Variants in EXOC6B observed in about 807,000 individuals in gnomAD.
EXOC6B encodes the protein SEC15 homolog B.
A neutral mutation model predicts 113.5 loss-of-function variants in EXOC6B; 54 were observed. The observed-to-expected ratio is 0.48, with a 90% CI of 0.38 to 0.60. The LOEUF (loss-of-function observed/expected upper bound fraction) is 0.60. Ranked by LOEUF, EXOC6B falls within the 20% of genes least tolerant of loss-of-function variation. The pLI is 0.00. For missense variants in EXOC6B, 797 were observed against 977.5 expected, an observed-to-expected ratio of 0.82 and a Z score of 2.46; for synonymous variants, 357 against 339.0, an observed-to-expected ratio of 1.05 and a Z score of -0.58.
intron 18 of EXOC6B, among the ~76,000 whole-genome samples, chr2:72,410,483 A>G (rs1234773697): frequency 6.6e-6 from 1 of 152,220 alleles, no homozygotes; most frequent in African/African-American, 2.4e-5. Flanking sequence ...CATTGCTGCC[A>G]CAAGCAAAAG....
intron 20 of EXOC6B, among the ~76,000 whole-genome samples, chr2:72,323,003 A>G (rs1185867873): frequency 2.0e-5 from 3 of 152,240 alleles, no homozygotes; most frequent in Non-Finnish European, 2.9e-5. Context: ...ATCTAATTAA[A>G]CTAAAGAGCT....
chr2:72,670,359 A>G (rs1349054163), intron 6 of EXOC6B, among the ~76,000 whole-genome samples: 1 of 152,210 alleles, frequency 6.6e-6, no homozygotes, highest in Non-Finnish European at 1.5e-5. Flanking sequence ...TCAAGACTGT[A>G]AAAGGGGCAT....
At chr2:72,257,042 C>CATG (rs1683393771) in intron 20 of EXOC6B, among the ~76,000 whole-genome samples, 1 of 152,118 alleles carries the variant, frequency 6.6e-6, no homozygotes, top group Admixed American at 6.5e-5. Context: ...TAGGCTGACT[C>CATG]CCTCATGCCC....
At chr2:72,698,178 T>A (rs1239860519) in intron 6 of EXOC6B, among the ~76,000 whole-genome samples, 2 of 152,084 alleles carry the variant, frequency 1.3e-5, no homozygotes, top group African/African-American at 2.4e-5. Flanking sequence ...AGGAATTAAC[T>A]GACAGTACAA....
chr2:72,630,130 G>A (rs1672298747), intron 6 of EXOC6B, among the ~76,000 whole-genome samples: 1 of 152,128 alleles, frequency 6.6e-6, no homozygotes, highest in South Asian at 2.1e-4. Context: ...ATTCAGGACT[G>A]GAGCAAAAGG....
chr2:72,422,785 TG>T (rs777558448), intron 18 of EXOC6B, among the ~76,000 whole-genome samples: 2 of 152,160 alleles, frequency 1.3e-5, no homozygotes, highest in Non-Finnish European at 2.9e-5. Flanking sequence ...GGTGGGGCCT[TG>T]GAGAACCTGT....
chr2:72,370,940 T>C lies in EXOC6B; in HGVS notation c.2122+8789A>G, dbSNP rs1690969309. On this transcript the variant is annotated intron_variant, in intron 19 of 21. Transcript: ENST00000272427. ...GTGCAGCACACCAACATGGCACATG[T>C]ATATATATGTAACAAACCTGCACAT... is the stretch of plus-strand genomic sequence containing the variant. Among the ~76,000 whole-genome samples, 3 of 151,956 alleles carry C rather than the reference T, an allele frequency of 2.0e-5. No individual in the cohort carries two copies. The South Asian group carries it at 6.2e-4, about 32-fold the overall frequency.
intron 20 of EXOC6B, among the ~76,000 whole-genome samples, chr2:72,230,849 C>A (rs1239495649): frequency 6.6e-6 from 1 of 151,940 alleles, no homozygotes; most frequent in Non-Finnish European, 1.5e-5. Context: ...ATATTTTAGG[C>A]AAGGAACAAT....
intron 1 of EXOC6B, among the ~76,000 whole-genome samples, chr2:72,801,597 T>C (rs1573819869): frequency 6.6e-6 from 1 of 152,166 alleles, no homozygotes; most frequent in East Asian, 1.9e-4. Context: ...GCGTCTGTCA[T>C]CTAAGAAGGT....
intron 18 of EXOC6B, among the ~76,000 whole-genome samples, chr2:72,460,384 G>A (rs1018256003): frequency 2.8e-4 from 42 of 152,026 alleles, no homozygotes; most frequent in Non-Finnish European, 5.0e-4. Flanking sequence ...AAGAGCTTCT[G>A]CACAGCAAAA....
At chr2:72,460,749 C>G (rs1460373350) in intron 18 of EXOC6B, among the ~76,000 whole-genome samples, 1 of 152,092 alleles carries the variant, frequency 6.6e-6, no homozygotes, top group Non-Finnish European at 1.5e-5. Context: ...AACACTTTTA[C>G]ACTGTTGGTG....
At position 72,179,262 on chromosome 2, in the gene EXOC6B, G is replaced by A; in HGVS notation, c.*73C>T. Reference sequence around the variant, plus strand: ...TTTGAAGAAGAATGCACAAATGCAGGGTCAGCTGGGGCTGGACCCCAGACT... The same window carrying A: ...TTTGAAGAAGAATGCACAAATGCAGAGTCAGCTGGGGCTGGACCCCAGACT... On this transcript the variant is annotated 3_prime_UTR_variant, in exon 22 of 22. Coordinates refer to ENST00000272427, the MANE Select transcript of EXOC6B (RefSeq NM_015189.3). 6.8e-7 allele frequency: 1 copy of A among 1,462,822 alleles called. No homozygotes were observed. The highest frequency in any genetic ancestry group is 9.1e-7 in the Non-Finnish European group (1 of 1,099,912). The allele number at this position is 1,462,822 out of a possible 1,614,324, so 90.6% of individuals were successfully genotyped here. A position where few individuals can be genotyped will look rare whatever the true frequency, so the allele number is the denominator to read the frequency against.
At position 72,179,097 on chromosome 2, in the gene EXOC6B, A is replaced by G. The variant is rs1677920963; in HGVS notation, c.*238T>C. The G allele has an allele frequency of 2.1e-6, 1 of 467,272 alleles. No individual in the cohort carries two copies. 28.9% of individuals were successfully genotyped at this position (467,272 alleles called of 1,614,324 possible). On this transcript the variant is annotated 3_prime_UTR_variant, in exon 22 of 22. Coordinates refer to ENST00000272427, the MANE Select transcript of EXOC6B (RefSeq NM_015189.3). ...ATGATACCACCATCTCTAAGATAAC[A>G]CAGATAGTGTAGTAATAACTTCCCC...
chr2:72,735,400 G>A (rs79157082), intron 2 of EXOC6B, among the ~76,000 whole-genome samples: 5,694 of 152,112 alleles, frequency 0.037, 332 homozygotes, highest in African/African-American at 0.13. Flanking sequence ...TATTCAATTC[G>A]ATTATATTTA....
chr2:72,728,415 C>T (rs1680437486), intron 5 of EXOC6B, among the ~76,000 whole-genome samples: 1 of 152,126 alleles, frequency 6.6e-6, no homozygotes, highest in Non-Finnish European at 1.5e-5. Flanking sequence ...GAGACAAGAA[C>T]AAGGATATTC....
intron 8 of EXOC6B, among the ~76,000 whole-genome samples, chr2:72,529,325 A>C (rs1701883603): frequency 6.6e-6 from 1 of 152,192 alleles, no homozygotes. Flanking sequence ...AATAAACCTG[A>C]CTTGGTCATA....
chr2:72,339,439 G>T (rs1558571826), intron 19 of EXOC6B, among the ~76,000 whole-genome samples: 1 of 152,132 alleles, frequency 6.6e-6, no homozygotes, highest in African/African-American at 2.4e-5. Flanking sequence ...CAAGGTACTT[G>T]CTCCACTCAA....
rs3029112 is a variant in EXOC6B, at chr2:72,223,685, T to TTTTGTTTGTTTGTTTG, written c.2197-39514_2197-39499dup. On this transcript the variant is annotated intron_variant, in intron 20 of 21. Transcript: ENST00000272427. ...CTCTCAGACCTAGTGAAGGCCTGTT[T>TTTTGTTTGTTTGTTTG]TTTGTTTGTTTGTTTGTTTGTTTGT... Among the ~76,000 whole-genome samples, 297 of 151,422 alleles carry TTTTGTTTGTTTGTTTG rather than the reference T, an allele frequency of 2.0e-3. 1 individual carries two copies. The highest frequency in any genetic ancestry group is 3.4e-3 in the Non-Finnish European group (229 of 67,924).
At chr2:72,245,708 A>G (rs10186006) in intron 20 of EXOC6B, among the ~76,000 whole-genome samples, 5,165 of 152,318 alleles carry the variant, frequency 0.034, 271 homozygotes, top group African/African-American at 0.12. Flanking sequence ...GTAATGATAT[A>G]TAATGGTGGA....
Sources: allele counts gnomAD v4.1 joint callset (sites outside exome capture counted in the v4.1 genomes callset), GRCh38; gene constraint gnomAD v4.1.1; transcripts MANE v1.5; gene names NCBI Gene and HGNC (gene_info 2026-07-23, HGNC 2026-07-21).